FHIT: variants seen among roughly 807,000 people sequenced by gnomAD.
FHIT encodes bis(5'-adenosyl)-triphosphatase.
In FHIT, 19 loss-of-function variants were observed where a neutral mutation model predicts 17.9. The ratio of observed to expected loss-of-function variants is 1.06; its 90% confidence interval spans 0.74 to 1.56. The LOEUF (loss-of-function observed/expected upper bound fraction) is 1.56, where lower values mean the gene tolerates loss of function less well. FHIT is among the 40% of genes most tolerant of loss of function. The probability of loss-of-function intolerance (pLI) is 0.00; values close to 1 mark genes in which losing one functional copy is unlikely to be tolerated. For missense variants in FHIT, 248 were observed against 189.2 expected (o/e 1.31, Z -1.82); for synonymous variants, 81 against 69.7 (o/e 1.16, Z -0.81).
chr3:60,711,242 A>G (rs1430368821), intron 4 of FHIT, among the ~76,000 whole-genome samples: 3 of 152,236 alleles, frequency 2.0e-5, no homozygotes, highest in Non-Finnish European at 4.4e-5. Context: ...ACTAAAAAAC[A>G]GAAAGGACAT....
chr3:59,748,194 T>G lies in FHIT; in HGVS notation c.*1391A>C, dbSNP rs1035116828. The stretch of plus-strand genomic sequence containing the variant: ...TAATTACAGGTAGTACTTGTTTTTC[T>G]TTGAGGCTGAAATATAAAGTTTAAG... On this transcript the variant is annotated 3_prime_UTR_variant, in exon 10 of 10. Coordinates refer to ENST00000492590, the MANE Select transcript of FHIT (RefSeq NM_002012.4). Among the ~76,000 whole-genome samples the G allele has an allele frequency of 5.3e-5, 8 of 152,142 alleles. No homozygotes were observed. Among genetic ancestry groups the G allele is most frequent in the Non-Finnish European group, 1.0e-4 (7 of 68,026 alleles).
At chr3:60,967,851 T>C (rs1709822387) in intron 3 of FHIT, among the ~76,000 whole-genome samples, 1 of 152,206 alleles carries the variant, frequency 6.6e-6, no homozygotes, top group Non-Finnish European at 1.5e-5. Flanking sequence ...AATTGACTAC[T>C]GATATTGTAA....
intron 5 of FHIT, among the ~76,000 whole-genome samples, chr3:60,135,848 T>C (rs929414886): frequency 2.0e-5 from 3 of 152,168 alleles, no homozygotes; most frequent in Non-Finnish European, 4.4e-5. Context: ...GGATTCTTAA[T>C]GGTGTCTGTT....
intron 1 of FHIT, among the ~76,000 whole-genome samples, chr3:61,231,309 T>A (rs2040094633): frequency 6.6e-6 from 1 of 152,034 alleles, no homozygotes; most frequent in Non-Finnish European, 1.5e-5. Context: ...CTGGACAACA[T>A]AATAAGACCC....
chr3:60,379,424 T>A (rs988083480), intron 5 of FHIT, among the ~76,000 whole-genome samples: 1 of 152,146 alleles, frequency 6.6e-6, no homozygotes, highest in African/African-American at 2.4e-5. Context: ...GTAGATAATC[T>A]GAAACATTAA....
intron 4 of FHIT, among the ~76,000 whole-genome samples, chr3:60,726,876 T>C (rs868987353): frequency 2.0e-5 from 3 of 152,186 alleles, no homozygotes. Context: ...AGTGTCTCTA[T>C]ATGGTTTCAG....
chr3:61,216,068 A>G (rs933182080), intron 1 of FHIT, among the ~76,000 whole-genome samples: 3 of 152,194 alleles, frequency 2.0e-5, no homozygotes, highest in Non-Finnish European at 2.9e-5. Context: ...ATTACCATTC[A>G]GGACATAGGC....
intron 8 of FHIT, among the ~76,000 whole-genome samples, chr3:59,877,528 T>G (rs909791799): frequency 3.3e-5 from 5 of 152,178 alleles, no homozygotes; most frequent in African/African-American, 1.2e-4. Context: ...GACAGGCTTG[T>G]GGGACATGTA....
intron 5 of FHIT, among the ~76,000 whole-genome samples, chr3:60,386,862 C>T (rs896128331): frequency 1.1e-4 from 17 of 152,084 alleles, no homozygotes; most frequent in East Asian, 1.9e-4. Context: ...TCCACTATAG[C>T]GTAAACACAA....
chr3:60,394,269 C>T (rs1230584385), intron 5 of FHIT, among the ~76,000 whole-genome samples: 1 of 152,166 alleles, frequency 6.6e-6, no homozygotes, highest in Non-Finnish European at 1.5e-5. Flanking sequence ...CTCTAAATTA[C>T]AGTTCTTAAC....
intron 5 of FHIT, among the ~76,000 whole-genome samples, chr3:60,161,469 C>A (rs1304737710): frequency 6.6e-6 from 1 of 152,144 alleles, no homozygotes; most frequent in African/African-American, 2.4e-5. Context: ...TTCACAAATG[C>A]CAAGTCTACC....
intron 3 of FHIT, among the ~76,000 whole-genome samples, chr3:60,883,322 C>G (rs1553758421): frequency 6.6e-6 from 1 of 151,940 alleles, no homozygotes; most frequent in Non-Finnish European, 1.5e-5. Context: ...TGATGTAAAC[C>G]TTTTCAAAAT....
chr3:61,218,817 T>C (rs1197576141), intron 1 of FHIT, among the ~76,000 whole-genome samples: 2 of 152,196 alleles, frequency 1.3e-5, no homozygotes, highest in African/African-American at 4.8e-5. Context: ...CTAAGCTCTA[T>C]AAAATGTATG....
chr3:60,634,255 G>A (rs1411940524), intron 4 of FHIT, among the ~76,000 whole-genome samples: 1 of 152,062 alleles, frequency 6.6e-6, no homozygotes, highest in East Asian at 1.9e-4. Flanking sequence ...GAACTTAAAC[G>A]GGTTGCCAAT....
intron 5 of FHIT, among the ~76,000 whole-genome samples, chr3:60,092,588 C>G (rs568470045): frequency 6.6e-6 from 1 of 151,874 alleles, no homozygotes; most frequent in East Asian, 1.9e-4. Flanking sequence ...ATATCTCAGA[C>G]CAAGGGTAAG....
At chr3:61,087,756 C>A (rs1376177565) in intron 2 of FHIT, among the ~76,000 whole-genome samples, 4 of 152,096 alleles carry the variant, frequency 2.6e-5, no homozygotes, top group Non-Finnish European at 5.9e-5. Context: ...GTAGATACAG[C>A]CTTTATCACT....
At chr3:60,401,026 T>A (rs1269479189) in intron 5 of FHIT, among the ~76,000 whole-genome samples, 1 of 152,134 alleles carries the variant, frequency 6.6e-6, no homozygotes, top group African/African-American at 2.4e-5. Flanking sequence ...ACCTACCACC[T>A]AGATCAATTT....
intron 4 of FHIT, among the ~76,000 whole-genome samples, chr3:60,736,901 C>T (rs535638330): frequency 4.6e-5 from 7 of 152,246 alleles, no homozygotes; most frequent in Non-Finnish European, 1.0e-4. Flanking sequence ...ATTAAAGTGA[C>T]GTTCTTGTTG....
intron 5 of FHIT, among the ~76,000 whole-genome samples, chr3:60,250,136 G>GA (rs1221050013): frequency 2.0e-5 from 3 of 151,460 alleles, no homozygotes; most frequent in Non-Finnish European, 4.4e-5. Flanking sequence ...AGGGGAAAGA[G>GA]AAAAAAAAGA....
Sources: gnomAD v4.1 joint callset for allele counts (sites outside exome capture counted in the v4.1 genomes callset) on GRCh38, gnomAD v4.1.1 for gene constraint, MANE v1.5 for transcripts, NCBI Gene and HGNC (gene_info 2026-07-23, HGNC 2026-07-21) for gene names.